RRM2: variants seen among roughly 807,000 people sequenced by gnomAD.
RRM2 encodes the protein ribonucleoside-diphosphate reductase subunit M2.
A neutral mutation model predicts 45.9 loss-of-function variants in RRM2; 6 were observed. The observed-to-expected ratio is 0.13, with a 90% CI of 0.07 to 0.26. The LOEUF is 0.26. Among genes scored for constraint, RRM2 ranks in the 10% least tolerant of loss-of-function variants. The pLI is 1.00. For missense variants in RRM2, 343 were observed against 489.5 expected, an observed-to-expected ratio of 0.70 and a Z score of 2.82; for synonymous variants, 177 against 173.0, an observed-to-expected ratio of 1.02 and a Z score of -0.18.
At chr2:10,179,308 C>G (rs765483937) in intron 3 of RRM2, among the ~76,000 whole-genome samples, 1 of 152,058 alleles carries the variant, frequency 6.6e-6, no homozygotes, top group Non-Finnish European at 1.5e-5. Flanking sequence ...CATGCCACCA[C>G]GCCCGGCTAA....
intron 3 of RRM2, among the ~76,000 whole-genome samples, chr2:10,198,373 G>A (rs1664458461): frequency 6.6e-6 from 1 of 151,666 alleles, no homozygotes. Context: ...GGGAGACCCT[G>A]CTGCCAAGCT....
intron 3 of RRM2, among the ~76,000 whole-genome samples, chr2:10,176,289 A>G (rs964625020): frequency 5.9e-5 from 9 of 151,798 alleles, no homozygotes; most frequent in African/African-American, 2.2e-4. Flanking sequence ...CTTTTTTTAG[A>G]TGGAGTTTTG....
chr2:10,203,205 G>C (rs1188326481), intron 3 of RRM2, among the ~76,000 whole-genome samples: 1 of 152,220 alleles, frequency 6.6e-6, no homozygotes, highest in Non-Finnish European at 1.5e-5. Flanking sequence ...CCAGCCCTCT[G>C]TCAGTTTACT....
At chr2:10,159,832 G>C (rs1423878756) in intron 3 of RRM2, among the ~76,000 whole-genome samples, 1 of 152,232 alleles carries the variant, frequency 6.6e-6, no homozygotes, top group East Asian at 1.9e-4. Flanking sequence ...AGCCCTGGGA[G>C]CCTGCCCCCC....
In RRM2 at chr2:10,205,176, G is replaced by A. The variant is rs997193608; in HGVS notation, n.483-5135G>A. ...CTAGTTCAGCTGGAGGCCAGGGGTC[G>A]GAGACTTAGAGAAATGAGGAGGGGG... On this transcript the variant is annotated intron_variant and non_coding_transcript_variant, in intron 3 of 3. Transcript: ENST00000381786. This position sits in a 1 kb window ranked among gnomAD's most constrained non-coding sequence, Gnocchi z 4.8. Among the ~76,000 whole-genome samples the A allele has an allele frequency of 1.3e-5, 2 of 152,188 alleles. No individual in the cohort carries two copies. Among genetic ancestry groups the A allele is most frequent in the African/African-American group, 4.8e-5 (2 of 41,442 alleles).
intron 3 of RRM2, among the ~76,000 whole-genome samples, chr2:10,182,309 G>C (rs1215804300): frequency 6.6e-6 from 1 of 152,026 alleles, no homozygotes; most frequent in East Asian, 1.9e-4. Context: ...CTGCACTCCA[G>C]CCTAGCAGCC....
chr2:10,158,846 C>T (rs1008405660), intron 3 of RRM2, among the ~76,000 whole-genome samples: 11 of 152,060 alleles, frequency 7.2e-5, no homozygotes, highest in Admixed American at 1.3e-4. Context: ...CCCGGGAGCT[C>T]GGGGTTGGTC....
At chr2:10,152,792 T>C (rs539597788) in intron 3 of RRM2, among the ~76,000 whole-genome samples, 91 of 152,132 alleles carry the variant, frequency 6.0e-4, no homozygotes, top group Non-Finnish European at 1.3e-3. Context: ...CCCTGTGTAC[T>C]ATTCTTAAGA....
intron 3 of RRM2, among the ~76,000 whole-genome samples, chr2:10,153,007 G>A (rs148244049): frequency 1.6e-4 from 24 of 152,210 alleles, no homozygotes; most frequent in East Asian, 3.9e-4. Flanking sequence ...CATTAGCCAC[G>A]ATATGGAAAC....
intron 3 of RRM2, among the ~76,000 whole-genome samples, chr2:10,194,978 T>A (rs1192056064): frequency 1.3e-5 from 2 of 152,324 alleles, no homozygotes; most frequent in East Asian, 3.9e-4. Context: ...CCTGGCCCTG[T>A]GCTACTGTGT....
chr2:10,186,594 G>A (rs1275684238), intron 3 of RRM2, among the ~76,000 whole-genome samples: 1 of 152,206 alleles, frequency 6.6e-6, no homozygotes, highest in Non-Finnish European at 1.5e-5. Context: ...CCTGCCTGGG[G>A]TCAATGCCCT....
At chr2:10,200,697 T>G (rs6707113) in intron 3 of RRM2, among the ~76,000 whole-genome samples, 10,392 of 59,136 alleles carry the variant, frequency 0.18, 2,113 homozygotes, top group Admixed American at 0.23. Context: ...AAATTATGAG[T>G]CCCACGGGGA....
chr2:10,185,544 A>C lies in RRM2; in HGVS notation n.483-24767A>C, dbSNP rs779179552. 6.6e-6 allele frequency among the ~76,000 whole-genome samples: 1 copy of C among 151,274 alleles called. No individual in the cohort carries two copies. Among genetic ancestry groups the C allele is most frequent in the African/African-American group, 2.4e-5 (1 of 41,160 alleles). ...GTCTCAGCCTTTTCCCCACCCATTC[A>C]CTCCTCTCCCAAATCCGGATGGTTT... On this transcript the variant is annotated intron_variant and non_coding_transcript_variant, in intron 3 of 3. Transcript: ENST00000381786. The surrounding 1 kb of genome is among the most constrained non-coding windows in gnomAD (Gnocchi z 4.3).
intron 3 of RRM2, among the ~76,000 whole-genome samples, chr2:10,165,472 A>G (rs1014259422): frequency 1.3e-5 from 2 of 152,246 alleles, no homozygotes; most frequent in Admixed American, 6.5e-5. Flanking sequence ...AAGGGAAGCC[A>G]ACAGGGGTGA....
In RRM2 at chr2:10,195,174, A is replaced by G. The variant is rs1039800305; in HGVS notation, n.483-15137A>G. On this transcript the variant is annotated intron_variant and non_coding_transcript_variant, in intron 3 of 3. Coordinates refer to the RRM2 transcript ENST00000381786. This position sits in a 1 kb window ranked among gnomAD's most constrained non-coding sequence, Gnocchi z 4.9. ...TGGGGAGCTACCGAGGGCAACAGGC[A>G]TGTTCTGGAAGACCCACCGTCTGAG... Among the ~76,000 whole-genome samples, 13 of 152,146 alleles carry G rather than the reference A, an allele frequency of 8.5e-5. No individual in the cohort carries two copies. The highest frequency in any genetic ancestry group is 1.3e-4 in the Non-Finnish European group (9 of 68,028).
intron 3 of RRM2, among the ~76,000 whole-genome samples, chr2:10,208,783 TGA>T (rs1664706156): frequency 6.6e-6 from 1 of 152,192 alleles, no homozygotes; most frequent in Non-Finnish European, 1.5e-5. Flanking sequence ...CCTCCTGATG[TGA>T]GCCTATCTCA....
chr2:10,178,100 G>A (rs1445638943), intron 3 of RRM2, among the ~76,000 whole-genome samples: 1 of 149,408 alleles, frequency 6.7e-6, no homozygotes, highest in South Asian at 2.1e-4. Context: ...TTTTTTTTTC[G>A]TATTCGTAGT....
intron 3 of RRM2, among the ~76,000 whole-genome samples, chr2:10,151,675 A>G (rs557042212): frequency 6.6e-6 from 1 of 152,318 alleles, no homozygotes; most frequent in Non-Finnish European, 1.5e-5. Flanking sequence ...AAGTGACCCA[A>G]CTGCTCTTCA....
rs572061129 is a variant in RRM2 at position 10,200,968 on chromosome 2, G to A, written n.483-9343G>A. Among the ~76,000 whole-genome samples, 7 of 152,212 alleles carry A rather than the reference G, an allele frequency of 4.6e-5. No individual in the cohort carries two copies. The East Asian group carries it at 7.7e-4, about 17-fold the overall frequency. On this transcript the variant is annotated intron_variant and non_coding_transcript_variant, in intron 3 of 3. Coordinates refer to the RRM2 transcript ENST00000381786. ...TCAAGACCAGCCTAGCCAATGTGGC[G>A]AAACCCTGTCTGTACTAAAAAACAC...
Sources: allele counts gnomAD v4.1 joint callset (sites outside exome capture counted in the v4.1 genomes callset), GRCh38; gene constraint gnomAD v4.1.1; non-coding constraint Gnocchi (gnomAD v3.1); transcripts MANE v1.5; gene names NCBI Gene and HGNC (gene_info 2026-07-23, HGNC 2026-07-21).